Variants in GPR89B observed in about 807,000 individuals in gnomAD.
GPR89B encodes golgi pH regulator B.
In GPR89B, 25 loss-of-function variants were observed where a neutral mutation model predicts 52.4. The ratio of observed to expected loss-of-function variants is 0.48; its 90% CI spans 0.35 to 0.67. The LOEUF (loss-of-function observed/expected upper bound fraction) is 0.67, where lower values mean the gene tolerates loss of function less well. Among genes scored for constraint, GPR89B ranks in the 30% least tolerant of loss-of-function variants. GPR89B has a pLI of 0.01. For synonymous variants in GPR89B, 52 were observed against 151.2 expected, an observed-to-expected ratio of 0.34 and a Z score of 4.81; for missense variants, 146 against 450.2, an observed-to-expected ratio of 0.32 and a Z score of 6.11.
the GPR89B span, among the ~76,000 whole-genome samples, chr1:148,020,733 A>G: frequency 6.6e-6 from 1 of 151,964 alleles, no homozygotes; most frequent in African/African-American, 2.4e-5. Flanking sequence ...GGCCCCCCAG[A>G]TTGGAGTGCA....
rs1345562682 is a variant in GPR89B, at chr1:147,957,238, A to G, written c.617+2836A>G. On this transcript the variant is annotated intron_variant, in intron 7 of 13. Transcript: ENST00000314163. ...ATAGAAATCTATATCACAGTGTATA[A>G]AAGCATAGGCTCTGAAATCAGACTG... 4.6e-5 allele frequency among the ~76,000 whole-genome samples: 7 copies of G among 152,154 alleles called. No individual in the cohort carries two copies. In the East Asian group the frequency reaches 1.4e-3, roughly 29 times the overall value.
At chr1:148,015,277 C>T in the GPR89B span, among the ~76,000 whole-genome samples, 2 of 128,766 alleles carry the variant, frequency 1.6e-5, no homozygotes, top group Non-Finnish European at 3.2e-5. Flanking sequence ...AAATCAAGGT[C>T]CGCTAGGATT....
chr1:147,978,423 C>G (rs1657997473), intron 10 of GPR89B, among the ~76,000 whole-genome samples: 1 of 151,750 alleles, frequency 6.6e-6, no homozygotes, highest in Non-Finnish European at 1.5e-5. Context: ...TATAAGATGT[C>G]TGGCAACCCC....
chr1:147,976,091 G>A (rs1267952937), intron 10 of GPR89B, among the ~76,000 whole-genome samples: 1 of 152,368 alleles, frequency 6.6e-6, no homozygotes, highest in Admixed American at 6.5e-5. Context: ...CAATTTTAGA[G>A]TATGTGCCAT....
the GPR89B span, among the ~76,000 whole-genome samples, chr1:148,013,849 A>G: frequency 6.6e-6 from 1 of 152,016 alleles, no homozygotes; most frequent in Non-Finnish European, 1.5e-5. Flanking sequence ...TGCTGTCCCA[A>G]GGACGGCTGG....
intron 1 of GPR89B, among the ~76,000 whole-genome samples, chr1:147,933,542 C>G (rs587676766): frequency 6.6e-5 from 10 of 152,168 alleles, no homozygotes; most frequent in African/African-American, 2.2e-4. Flanking sequence ...CCCTCAGGCC[C>G]TTAGTGTGTT....
At chr1:147,935,091 A>C (rs1362835198) in intron 1 of GPR89B, among the ~76,000 whole-genome samples, 7 of 152,176 alleles carry the variant, frequency 4.6e-5, no homozygotes, top group African/African-American at 1.7e-4. Context: ...CACTTTGATG[A>C]GGGAAGTACA....
intron 7 of GPR89B, among the ~76,000 whole-genome samples, chr1:147,963,415 A>G (rs1553252484): frequency 1.3e-5 from 2 of 151,948 alleles, no homozygotes; most frequent in East Asian, 1.9e-4. Flanking sequence ...GGATGAAAAG[A>G]TAAGCTACCC....
chr1:147,971,678 C>T (rs1427137152), intron 10 of GPR89B, among the ~76,000 whole-genome samples: 6,019 of 151,060 alleles, frequency 0.04, 191 homozygotes, highest in African/African-American at 0.06. Flanking sequence ...GACAGGGTTT[C>T]ACCATCTTGG....
At chr1:147,929,931 G>T (rs1326433321) in intron 1 of GPR89B, among the ~76,000 whole-genome samples, 1 of 152,128 alleles carries the variant, frequency 6.6e-6, no homozygotes, top group African/African-American at 2.4e-5. Flanking sequence ...AGACTACCCA[G>T]TGCCCTTGGT....
At chr1:147,981,522 A>G (rs1409746923) in intron 10 of GPR89B, among the ~76,000 whole-genome samples, 10 of 149,468 alleles carry the variant, frequency 6.7e-5, no homozygotes, top group African/African-American at 1.0e-4. Context: ...CATATTTTCT[A>G]TGGCTGAATA....
At chr1:148,000,802 C>CA in the GPR89B span, among the ~76,000 whole-genome samples, 1 of 138,080 alleles carries the variant, frequency 7.2e-6, no homozygotes, top group Admixed American at 7.1e-5. Context: ...AAAACAACAA[C>CA]AAAAAAACCT....
the GPR89B span, among the ~76,000 whole-genome samples, chr1:147,999,312 A>T: frequency 0.043 from 6,425 of 150,840 alleles, 192 homozygotes; most frequent in African/African-American, 0.07. Flanking sequence ...AGGACACCTT[A>T]AAAAAAAATG....
intron 1 of GPR89B, among the ~76,000 whole-genome samples, chr1:147,932,822 A>T (rs6593836): frequency 6.6e-6 from 1 of 152,152 alleles, no homozygotes; most frequent in East Asian, 1.9e-4. Flanking sequence ...AAAGCACAGA[A>T]TTTCTAAACA....
intron 1 of GPR89B, among the ~76,000 whole-genome samples, chr1:147,929,617 C>T (rs1653363688): frequency 6.6e-6 from 1 of 152,142 alleles, no homozygotes; most frequent in African/African-American, 2.4e-5. Flanking sequence ...CCTTTGGGGG[C>T]TTAAAGTGAA....
intron 12 of GPR89B, among the ~76,000 whole-genome samples, chr1:147,990,445 T>C (rs1658976361): frequency 6.6e-6 from 1 of 152,214 alleles, no homozygotes. Context: ...AGAAGCTCTT[T>C]AGTTTCATTA....
At chr1:148,014,025 G>A in the GPR89B span, among the ~76,000 whole-genome samples, 4 of 151,200 alleles carry the variant, frequency 2.6e-5, no homozygotes, top group Non-Finnish European at 5.9e-5. Flanking sequence ...AGACTGTAGG[G>A]AGACCTTCTC....
chr1:147,981,349 A>ACACACACAC (rs1571309753), intron 10 of GPR89B, among the ~76,000 whole-genome samples: 2 of 150,724 alleles, frequency 1.3e-5, no homozygotes, highest in African/African-American at 2.5e-5. Flanking sequence ...ACACACACAC[A>ACACACACAC]AAATTAATAG....
chr1:147,976,249 G>C (rs2149083612), intron 10 of GPR89B, among the ~76,000 whole-genome samples: 1 of 150,918 alleles, frequency 6.6e-6, no homozygotes, highest in African/African-American at 2.4e-5. Flanking sequence ...ATTGACTGTG[G>C]GGTGTTAATG....
Sources: gnomAD v4.1 joint callset for allele counts (sites outside exome capture counted in the v4.1 genomes callset) on GRCh38, gnomAD v4.1.1 for gene constraint, MANE v1.5 for transcripts, NCBI Gene and HGNC (gene_info 2026-07-23, HGNC 2026-07-21) for gene names.